Variants in SREK1IP1 observed in about 807,000 individuals in gnomAD.
The protein encoded by SREK1IP1 is SREK1 interacting protein 1.
A neutral mutation model predicts 22.8 loss-of-function variants in SREK1IP1; 12 were observed. The ratio of observed to expected loss-of-function variants is 0.53; its 90% CI spans 0.34 to 0.85. SREK1IP1 has a LOEUF of 0.85. SREK1IP1 is among the 40% of genes least tolerant of loss of function. The pLI is 0.02. For synonymous variants in SREK1IP1, 53 were observed against 52.7 expected (o/e 1.01, Z -0.02); for missense variants, 147 against 171.8 (o/e 0.86, Z 0.81).
At chr5:64,730,008 T>C (rs1742349709) in intron 3 of SREK1IP1, among the ~76,000 whole-genome samples, 1 of 152,004 alleles carries the variant, frequency 6.6e-6, no homozygotes, top group Non-Finnish European at 1.5e-5. Flanking sequence ...ATAAATAAAA[T>C]CATTTAGTAA....
chr5:64,735,162 G>GT lies in SREK1IP1; in HGVS notation c.205+5894dup, dbSNP rs70983645. Among the ~76,000 whole-genome samples the GT allele has an allele frequency of 8.0e-5, 12 of 149,560 alleles. No individual in the cohort carries two copies. In the South Asian group the frequency reaches 1.3e-3, roughly 16 times the overall value. On this transcript the variant is annotated intron_variant, in intron 3 of 4. Coordinates refer to ENST00000513458, the MANE Select transcript of SREK1IP1 (RefSeq NM_173829.4). ...ATTTTTCTTAAAATATTGTGACAAT[G>GT]TTTTTTTTTTAGTCTCTTAAATACC... is the stretch of plus-strand genomic sequence containing the variant.
chr5:64,734,077 A>C (rs1742419603), intron 3 of SREK1IP1, among the ~76,000 whole-genome samples: 1 of 152,050 alleles, frequency 6.6e-6, no homozygotes, highest in Non-Finnish European at 1.5e-5. Context: ...CCTGCTTTGA[A>C]ACTGTAGTTT....
At chr5:64,741,263 A>G (rs1309128112) in intron 2 of SREK1IP1, 63 bp from the exon 3 acceptor site, 1 of 1,479,292 alleles carries the variant, frequency 6.8e-7, no homozygotes, top group Non-Finnish European at 9.2e-7. Context: ...GTATTTTTGT[A>G]TGTTTTGCTG....
At chr5:64,736,071 T>C (rs143920305) in intron 3 of SREK1IP1, among the ~76,000 whole-genome samples, 2 of 152,354 alleles carry the variant, frequency 1.3e-5, no homozygotes, top group African/African-American at 2.4e-5. Flanking sequence ...TCAGTTAAAA[T>C]TACCTTCTAA....
At chr5:64,742,998 T>A (rs1742575485) in intron 2 of SREK1IP1, among the ~76,000 whole-genome samples, 1 of 152,220 alleles carries the variant, frequency 6.6e-6, no homozygotes, top group Non-Finnish European at 1.5e-5. Context: ...GTGTTTATTG[T>A]CAATCTCTAA....
Position 64,719,029 on chromosome 5 carries a change from G to A in SREK1IP1, c.*5355C>T, listed in dbSNP as rs146800195. The A allele has an allele frequency of 3.9e-4, 59 of 152,154 alleles. No individual in the cohort carries two copies. Among genetic ancestry groups the A allele is most frequent in the African/African-American group, 1.4e-3 (57 of 41,506 alleles). The allele number at this position is 152,154 out of a possible 1,614,324, so 9.4% of individuals were successfully genotyped here. On this transcript the variant is annotated 3_prime_UTR_variant, in exon 5 of 5. Coordinates refer to ENST00000513458, the MANE Select transcript of SREK1IP1 (RefSeq NM_173829.4). ...CAAAGCTCAGGGTTACAAACTTTTCGTCATTAGCCTGTCAAAATTTCTACC... is the reference window on the plus strand; with the variant it reads ...CAAAGCTCAGGGTTACAAACTTTTCATCATTAGCCTGTCAAAATTTCTACC...
At chr5:64,731,687 T>C (rs1222379751) in intron 3 of SREK1IP1, among the ~76,000 whole-genome samples, 1 of 151,710 alleles carries the variant, frequency 6.6e-6, no homozygotes. Context: ...CTTGAACATA[T>C]AAAAAATGTG....
chr5:64,726,023 T>C (rs1742259106), intron 4 of SREK1IP1, among the ~76,000 whole-genome samples: 1 of 151,496 alleles, frequency 6.6e-6, no homozygotes, highest in African/African-American at 2.4e-5. Flanking sequence ...CCACCTGTAA[T>C]CCACCAGCTA....
intron 4 of SREK1IP1, among the ~76,000 whole-genome samples, chr5:64,725,861 C>CTTTTTTTTTT (rs547845420): frequency 8.9e-6 from 1 of 112,062 alleles, no homozygotes; most frequent in Admixed American, 8.9e-5. Flanking sequence ...TTGTTTGTTT[C>CTTTTTTTTTT]TTTTTTTTTT....
At chr5:64,768,436 CA>C in intron 1 of SREK1IP1, 68 bp downstream of exon 1, 1 of 1,609,206 alleles carries the variant, frequency 6.2e-7, no homozygotes, top group Non-Finnish European at 8.5e-7. Flanking sequence ...GTACACGCCG[CA>C]CCCTACCCTA....
intron 3 of SREK1IP1, among the ~76,000 whole-genome samples, chr5:64,729,280 T>C (rs1742332777): frequency 6.6e-6 from 1 of 152,096 alleles, no homozygotes; most frequent in African/African-American, 2.4e-5. Flanking sequence ...TATAGTTAAG[T>C]GGTGAGAAAG....
intron 2 of SREK1IP1, among the ~76,000 whole-genome samples, chr5:64,743,603 T>C (rs943369708): frequency 3.9e-5 from 6 of 152,218 alleles, no homozygotes; most frequent in Non-Finnish European, 7.3e-5. Flanking sequence ...TAATTGCTAT[T>C]ATAAATAATG....
rs142057364 is a variant in SREK1IP1 at position 64,727,677 on chromosome 5, T to C, written c.278+430A>G. Reference sequence around the variant, plus strand: ...CTCTCACCTCAGCCTTCCACATAGCTGGGAACACAGGTACATGCCACCACA... The same window carrying C: ...CTCTCACCTCAGCCTTCCACATAGCCGGGAACACAGGTACATGCCACCACA... On this transcript the variant is annotated intron_variant, in intron 4 of 4. Coordinates refer to ENST00000513458, the MANE Select transcript of SREK1IP1 (RefSeq NM_173829.4). The C allele has an allele frequency of 9.5e-4, 145 of 152,328 alleles. 2 individuals are homozygous for C. In the East Asian group the frequency reaches 0.027, roughly 28 times the overall value. 9.4% of individuals were successfully genotyped at this position (152,328 alleles called of 1,614,324 possible). A position where few individuals can be genotyped will look rare whatever the true frequency, so the allele number is the denominator to read the frequency against.
chr5:64,757,861 CTTTTTT>C (rs59456636), intron 1 of SREK1IP1, among the ~76,000 whole-genome samples: 14 of 72,962 alleles, frequency 1.9e-4, no homozygotes, highest in African/African-American at 6.4e-4. Flanking sequence ...AGGTTCCTAT[CTTTTTT>C]TTTTTTTTTT....
At chr5:64,740,993 G>A in intron 3 of SREK1IP1, 64 bp downstream of exon 3, 2 of 1,422,106 alleles carry the variant, frequency 1.4e-6, no homozygotes, top group Admixed American at 1.8e-5. Flanking sequence ...ATAATGGAAA[G>A]CATGATATAA....
chr5:64,765,821 T>C (rs973744736), intron 1 of SREK1IP1, among the ~76,000 whole-genome samples: 3 of 152,250 alleles, frequency 2.0e-5, no homozygotes, highest in African/African-American at 7.2e-5. Flanking sequence ...TTTCATGTAC[T>C]GCTTAAAGTT....
intron 2 of SREK1IP1, among the ~76,000 whole-genome samples, chr5:64,744,219 TA>T (rs1742595950): frequency 6.6e-6 from 1 of 152,034 alleles, no homozygotes. Flanking sequence ...GCACCATGCA[TA>T]AGAGAACAAT....
At chr5:64,732,369 A>G (rs1184292556) in intron 3 of SREK1IP1, among the ~76,000 whole-genome samples, 2 of 152,194 alleles carry the variant, frequency 1.3e-5, no homozygotes, top group Non-Finnish European at 2.9e-5. Flanking sequence ...GTCTACAAAA[A>G]TCCAGAATCA....
chr5:64,751,398 T>C (rs1258891406), intron 2 of SREK1IP1, among the ~76,000 whole-genome samples: 1 of 152,224 alleles, frequency 6.6e-6, no homozygotes, highest in Non-Finnish European at 1.5e-5. Flanking sequence ...CTTGGTTGTT[T>C]CTAGGAAACA....
Sources: gnomAD v4.1 joint callset for allele counts (sites outside exome capture counted in the v4.1 genomes callset) on GRCh38, gnomAD v4.1.1 for gene constraint, MANE v1.5 for transcripts, NCBI Gene and HGNC (gene_info 2026-07-23, HGNC 2026-07-21) for gene names.